Variants in ASTN2 observed in about 807,000 individuals in gnomAD.
ASTN2 encodes astrotactin-2.
ASTN2 carries 54 observed loss-of-function variants against 139.8 expected under a neutral mutation model. The observed-to-expected ratio is 0.39, with a 90% CI of 0.31 to 0.48. The LOEUF is 0.48. Among genes scored for constraint, ASTN2 ranks in the 20% least tolerant of loss-of-function variants. ASTN2 has a pLI of 0.95. For missense variants in ASTN2, 1,565 were observed against 1,725.1 expected (o/e 0.91, Z 1.64); for synonymous variants, 756 against 719.5 (o/e 1.05, Z -0.81).
chr9:116,671,096 C>T (rs1859169197), intron 16 of ASTN2, among the ~76,000 whole-genome samples: 1 of 151,700 alleles, frequency 6.6e-6, no homozygotes, highest in Admixed American at 6.6e-5. Context: ...ATTATAAAGG[C>T]CAGTAAAAAA....
intron 16 of ASTN2, among the ~76,000 whole-genome samples, chr9:116,664,003 G>T (rs1371447329): frequency 2.0e-5 from 3 of 152,040 alleles, no homozygotes; most frequent in Non-Finnish European, 2.9e-5. Flanking sequence ...ATAAATTCTG[G>T]AAATTGAATA....
intron 20 of ASTN2, 82 bp downstream of exon 20, chr9:116,487,277 C>A: frequency 5.8e-6 from 9 of 1,543,362 alleles, no homozygotes; most frequent in Admixed American, 1.8e-5. Context: ...GGCTGGCCTG[C>A]ACAGAATAAC....
intron 10 of ASTN2, among the ~76,000 whole-genome samples, chr9:116,943,727 C>T (rs75152746): frequency 9.5e-4 from 144 of 152,312 alleles, no homozygotes; most frequent in Non-Finnish European, 1.8e-3. Flanking sequence ...CAACTCTGGG[C>T]AGTGTCTTGT....
intron 6 of ASTN2, among the ~76,000 whole-genome samples, chr9:117,037,091 T>C (rs532034627): frequency 6.6e-6 from 1 of 152,262 alleles, no homozygotes; most frequent in South Asian, 2.1e-4. Flanking sequence ...ATTTGCTGAA[T>C]ATCCATTATG....
chr9:116,627,847 G>A (rs897847686), intron 17 of ASTN2, among the ~76,000 whole-genome samples: 8 of 152,094 alleles, frequency 5.3e-5, no homozygotes, highest in Admixed American at 1.3e-4. Flanking sequence ...TTCTTTTTAT[G>A]TATTACTCCT....
At chr9:116,605,931 G>T (rs1855171179) in intron 19 of ASTN2, among the ~76,000 whole-genome samples, 1 of 152,160 alleles carries the variant, frequency 6.6e-6, no homozygotes, top group Non-Finnish European at 1.5e-5. Flanking sequence ...GGCTGTACCA[G>T]TAACTCACCA....
chr9:117,311,454 A>T (rs1331548318), intron 1 of ASTN2, among the ~76,000 whole-genome samples: 1 of 151,512 alleles, frequency 6.6e-6, no homozygotes, highest in African/African-American at 2.4e-5. Context: ...ATTGCCATCC[A>T]CTCTTTTTCT....
chr9:116,532,104 C>A lies in ASTN2; in HGVS notation c.3356-44604G>T, dbSNP rs192130349. Among the ~76,000 whole-genome samples the A allele has an allele frequency of 1.7e-3, 260 of 152,334 alleles. 1 individual carries two copies. Among genetic ancestry groups the A allele is most frequent in the Middle Eastern group, 6.8e-3 (2 of 294 alleles). On this transcript the variant is annotated intron_variant, in intron 19 of 22. Transcript: ENST00000313400. The stretch of plus-strand genomic sequence containing the variant: ...CGCATTGTAGTTTTGATTTGCATTT[C>A]TCTGATGGCCAGTGATGATGAGCAT...
chr9:116,843,540 T>C (rs2132309720), intron 11 of ASTN2, among the ~76,000 whole-genome samples: 1 of 151,916 alleles, frequency 6.6e-6, no homozygotes, highest in African/African-American at 2.4e-5. Flanking sequence ...GCACCTGTAA[T>C]CTCAGGTACT....
intron 11 of ASTN2, among the ~76,000 whole-genome samples, chr9:116,862,843 TACAC>T (rs1832922266): frequency 8.7e-5 from 3 of 34,418 alleles, no homozygotes; most frequent in Admixed American, 3.0e-4. Flanking sequence ...CACACACACA[TACAC>T]GTTAAAAAGT....
intron 2 of ASTN2, 70 bp downstream of exon 2, chr9:117,291,256 C>A: frequency 6.4e-7 from 1 of 1,558,136 alleles, no homozygotes. Flanking sequence ...AATCCCCCGC[C>A]CCCTCCATCT....
At chr9:117,052,247 T>C (rs1838931758) in intron 5 of ASTN2, among the ~76,000 whole-genome samples, 1 of 151,950 alleles carries the variant, frequency 6.6e-6, no homozygotes. Context: ...GAGACCGTCC[T>C]GGCTAACGTG....
intron 7 of ASTN2, among the ~76,000 whole-genome samples, chr9:116,983,276 T>C (rs1836564877): frequency 1.3e-5 from 2 of 152,112 alleles, no homozygotes; most frequent in Non-Finnish European, 2.9e-5. Context: ...GCCAGGCACG[T>C]AGTGGGAAAA....
intron 6 of ASTN2, among the ~76,000 whole-genome samples, chr9:117,011,295 A>C (rs1837527043): frequency 6.6e-6 from 1 of 152,166 alleles, no homozygotes; most frequent in Non-Finnish European, 1.5e-5. Context: ...ATGTGGTGAT[A>C]TTTGGAAGTG....
chr9:116,679,844 T>C (rs1011881803), intron 16 of ASTN2, among the ~76,000 whole-genome samples: 4 of 152,234 alleles, frequency 2.6e-5, no homozygotes, highest in South Asian at 4.1e-4. Flanking sequence ...AGACACAACA[T>C]ACCAGAATCT....
chr9:116,565,388 CATATATATATATATAT>C (rs1164878126), intron 19 of ASTN2, among the ~76,000 whole-genome samples: 3 of 34,024 alleles, frequency 8.8e-5, no homozygotes, highest in Admixed American at 5.1e-4. Context: ...TCTCTCTCTC[CATATATATATATATAT>C]ATATATATAT....
At chr9:117,177,522 TC>T (rs1357804648) in intron 3 of ASTN2, among the ~76,000 whole-genome samples, 1 of 152,070 alleles carries the variant, frequency 6.6e-6, no homozygotes, top group Non-Finnish European at 1.5e-5. Flanking sequence ...AGCTATAGAT[TC>T]CCTCCCTCAG....
chr9:116,970,807 G>T (rs907755869), intron 10 of ASTN2, among the ~76,000 whole-genome samples: 1 of 152,012 alleles, frequency 6.6e-6, no homozygotes, highest in Non-Finnish European at 1.5e-5. Flanking sequence ...TTTCATTTTC[G>T]TTGATTTGAG....
chr9:116,993,852 T>TTATATA (rs1468663808), intron 7 of ASTN2, among the ~76,000 whole-genome samples: 244 of 26,676 alleles, frequency 9.1e-3, no homozygotes, highest in Non-Finnish European at 0.022. Flanking sequence ...AGTATGTACA[T>TTATATA]GATATATATA....
Sources: gnomAD v4.1 joint callset for allele counts (sites outside exome capture counted in the v4.1 genomes callset) on GRCh38, gnomAD v4.1.1 for gene constraint, MANE v1.5 for transcripts, NCBI Gene and HGNC (gene_info 2026-07-23, HGNC 2026-07-21) for gene names.